PRKG1: variants seen among roughly 807,000 people sequenced by gnomAD.
PRKG1 encodes protein kinase cGMP-dependent 1, also known as cGMP-dependent protein kinase 1.
Under a neutral mutation model 88.1 loss-of-function variants are expected in PRKG1, and 35 were observed. The ratio of observed to expected loss-of-function variants is 0.40; its 90% CI spans 0.30 to 0.53. The LOEUF is 0.53. Ranked by LOEUF, PRKG1 falls within the 20% of genes least tolerant of loss-of-function variation. The probability of loss-of-function intolerance (pLI) is 0.59; values close to 1 mark genes in which losing one functional copy is unlikely to be tolerated. For missense variants in PRKG1, 540 were observed against 839.8 expected, an observed-to-expected ratio of 0.64 and a Z score of 4.41; for synonymous variants, 303 against 292.5, an observed-to-expected ratio of 1.04 and a Z score of -0.37.
Position 51,906,170 on chromosome 10 carries a change from G to A in PRKG1, c.699-1337G>A, listed in dbSNP as rs553892334. ...GGAGTCGGCCTGGAGAAAGGTGTGT[G>A]TATGGAGGAAGACCTGGAAAGGGAA... On this transcript the variant is annotated intron_variant, in intron 4 of 17. Transcript: ENST00000373980. 1.0e-3 allele frequency among the ~76,000 whole-genome samples: 155 copies of A among 152,284 alleles called. 1 individual carries two copies. The highest frequency in any genetic ancestry group is 4.4e-3 in the South Asian group (21 of 4,826).
rs1040508324 is a variant in PRKG1 at position 52,039,531 on chromosome 10, G to C, written c.763-14953G>C. On this transcript the variant is annotated intron_variant, in intron 5 of 17. Coordinates refer to ENST00000373980, the MANE Select transcript of PRKG1 (RefSeq NM_006258.4). ...TACATGTGCAAATCACAGGGGATGC[G>C]ATGGCTTGGCTTGGGCTCAGAGGCC... Among the ~76,000 whole-genome samples the C allele has an allele frequency of 2.6e-5, 4 of 152,238 alleles. No homozygotes were observed. The East Asian group carries it at 5.8e-4, about 22-fold the overall frequency.
intron 1 of PRKG1, among the ~76,000 whole-genome samples, chr10:51,119,440 T>C (rs1845209897): frequency 6.6e-6 from 1 of 152,044 alleles, no homozygotes. Flanking sequence ...ATATCAAAAA[T>C]ACACATTTTA....
chr10:52,188,410 A>G (rs1839276731), intron 9 of PRKG1, among the ~76,000 whole-genome samples: 1 of 150,290 alleles, frequency 6.7e-6, no homozygotes, highest in Non-Finnish European at 1.5e-5. Flanking sequence ...GTGTGGTGGC[A>G]TGATCATAGC....
intron 5 of PRKG1, among the ~76,000 whole-genome samples, chr10:51,968,677 G>T (rs1261443752): frequency 1.3e-5 from 2 of 151,696 alleles, no homozygotes; most frequent in Non-Finnish European, 2.9e-5. Flanking sequence ...AAAAAAATTA[G>T]CTGGGTGTGG....
intron 4 of PRKG1, among the ~76,000 whole-genome samples, chr10:51,896,630 C>A (rs568303096): frequency 8.5e-6 from 1 of 118,154 alleles, no homozygotes; most frequent in Non-Finnish European, 1.6e-5. Context: ...GGTGACAGAG[C>A]GAGACCCTGT....
At chr10:51,878,854 GAC>G (rs969643203) in intron 4 of PRKG1, among the ~76,000 whole-genome samples, 2 of 152,158 alleles carry the variant, frequency 1.3e-5, no homozygotes, top group African/African-American at 4.8e-5. Flanking sequence ...AGAGAGAACA[GAC>G]ACACACATAT....
chr10:51,163,848 C>T (rs987460261), intron 2 of PRKG1, among the ~76,000 whole-genome samples: 5 of 152,184 alleles, frequency 3.3e-5, no homozygotes, highest in East Asian at 1.9e-4. Flanking sequence ...GGGGGAGGGG[C>T]GCCTGCCATT....
chr10:51,875,787 AC>A (rs1841283413), intron 4 of PRKG1, among the ~76,000 whole-genome samples: 1 of 152,180 alleles, frequency 6.6e-6, no homozygotes, highest in Non-Finnish European at 1.5e-5. Flanking sequence ...CTGGGGGGAA[AC>A]ATCGTTTTGT....
chr10:52,050,851 A>G (rs193239090), intron 5 of PRKG1, among the ~76,000 whole-genome samples: 4 of 152,310 alleles, frequency 2.6e-5, no homozygotes, highest in Admixed American at 2.6e-4. Flanking sequence ...TCAACTCTTT[A>G]AGATGAAGAG....
rs1324655802 is a variant in PRKG1, at chr10:51,234,942, G to A, written c.478+81612G>A. Among the ~76,000 whole-genome samples, 19 of 152,076 alleles carry A rather than the reference G, an allele frequency of 1.2e-4. 1 individual carries two copies. The highest frequency in any genetic ancestry group is 1.2e-3 in the Admixed American group (19 of 15,256). On this transcript the variant is annotated intron_variant, in intron 2 of 17. Transcript: ENST00000373980. ...GTGAATAGACACATTTTACCTAAGA[G>A]TATATACTATCTGTAAGTAGCTTGA...
At chr10:51,846,446 A>G (rs527478892) in intron 4 of PRKG1, among the ~76,000 whole-genome samples, 7 of 152,294 alleles carry the variant, frequency 4.6e-5, no homozygotes, top group Middle Eastern at 3.4e-3. Flanking sequence ...CCATCATCAA[A>G]GAAATAAAAG....
intron 4 of PRKG1, among the ~76,000 whole-genome samples, chr10:51,873,075 T>A (rs906842396): frequency 1.3e-5 from 2 of 152,182 alleles, no homozygotes; most frequent in Non-Finnish European, 2.9e-5. Context: ...TGTAATAATA[T>A]CAAATACCTA....
At chr10:51,123,150 T>C (rs913882061) in intron 1 of PRKG1, among the ~76,000 whole-genome samples, 1 of 152,210 alleles carries the variant, frequency 6.6e-6, no homozygotes, top group African/African-American at 2.4e-5. Context: ...ACTTGTTCAC[T>C]TACATTTTTA....
intron 3 of PRKG1, among the ~76,000 whole-genome samples, chr10:51,566,517 A>G (rs1201687286): frequency 6.6e-6 from 1 of 152,160 alleles, no homozygotes; most frequent in Non-Finnish European, 1.5e-5. Context: ...TTTCTAGTAG[A>G]TTATATACAC....
At chr10:51,878,248 A>AGATGTG (rs1365336587) in intron 4 of PRKG1, among the ~76,000 whole-genome samples, 4 of 55,556 alleles carry the variant, frequency 7.2e-5, no homozygotes, top group Non-Finnish European at 1.4e-4. Flanking sequence ...ATGTGTGAAT[A>AGATGTG]TATGTGTGTG....
chr10:51,948,520 GTC>G (rs1218775329), intron 5 of PRKG1, among the ~76,000 whole-genome samples: 3 of 116,354 alleles, frequency 2.6e-5, no homozygotes, highest in South Asian at 2.9e-4. Flanking sequence ...ACTTGTGTGT[GTC>G]TCTGTGTGTG....
chr10:51,692,287 G>A (rs771204224), intron 3 of PRKG1, among the ~76,000 whole-genome samples: 1 of 151,714 alleles, frequency 6.6e-6, no homozygotes, highest in Non-Finnish European at 1.5e-5. Context: ...CTGTCACCCA[G>A]GCTGGAGTGC....
intron 9 of PRKG1, among the ~76,000 whole-genome samples, chr10:52,164,098 C>A (rs2132692955): frequency 6.6e-6 from 1 of 152,164 alleles, no homozygotes; most frequent in East Asian, 1.9e-4. Flanking sequence ...TGCCTGTAAT[C>A]CCAGCACTTT....
chr10:51,745,207 T>C (rs1342830623), intron 3 of PRKG1, among the ~76,000 whole-genome samples: 1 of 152,238 alleles, frequency 6.6e-6, no homozygotes, highest in African/African-American at 2.4e-5. Flanking sequence ...CAAATAATTG[T>C]TGATATATTC....
Sources: gnomAD v4.1 joint callset for allele counts (sites outside exome capture counted in the v4.1 genomes callset) on GRCh38, gnomAD v4.1.1 for gene constraint, MANE v1.5 for transcripts, NCBI Gene and HGNC (gene_info 2026-07-23, HGNC 2026-07-21) for gene names.